The following DENND1A variants were observed in gnomAD, a reference collection of about 807,000 sequenced individuals.
DENND1A encodes DENN domain-containing protein 1A.
Under a neutral mutation model 113.7 loss-of-function variants are expected in DENND1A, and 51 were observed. The observed-to-expected ratio is 0.45, with a 90% CI of 0.36 to 0.57. DENND1A has a LOEUF of 0.57. Ranked by LOEUF, DENND1A falls within the 20% of genes least tolerant of loss-of-function variation. The pLI is 0.00. For missense variants in DENND1A, 1,258 were observed against 1,395.9 expected (o/e 0.90, Z 1.57); for synonymous variants, 565 against 570.8 (o/e 0.99, Z 0.14).
intron 8 of DENND1A, among the ~76,000 whole-genome samples, chr9:123,665,195 T>A (rs564483208): frequency 7.8e-4 from 118 of 152,210 alleles, no homozygotes; most frequent in Non-Finnish European, 1.5e-3. Context: ...AATATTTGAA[T>A]TCTGATTTTA....
At chr9:123,810,549 CA>C (rs1159557273) in intron 2 of DENND1A, among the ~76,000 whole-genome samples, 738 of 46,390 alleles carry the variant, frequency 0.016, 4 homozygotes, top group African/African-American at 0.047. Flanking sequence ...CATGTCTCTA[CA>C]AAAAAAAAAA....
At chr9:123,910,048 T>TA (rs2134009465) in intron 1 of DENND1A, among the ~76,000 whole-genome samples, 1 of 152,278 alleles carries the variant, frequency 6.6e-6, no homozygotes, top group South Asian at 2.1e-4. Context: ...TAAGGAGAGA[T>TA]ATGTCATCTT....
chr9:123,542,763 G>A (rs7027071), intron 13 of DENND1A, among the ~76,000 whole-genome samples: 16,225 of 152,080 alleles, frequency 0.11, 1,205 homozygotes, highest in African/African-American at 0.2. Flanking sequence ...GCACAGACCC[G>A]CAGGGACCAG....
At chr9:123,529,941 T>G (rs2055159874) in intron 13 of DENND1A, among the ~76,000 whole-genome samples, 1 of 152,186 alleles carries the variant, frequency 6.6e-6, no homozygotes, top group African/African-American at 2.4e-5. Flanking sequence ...CAATCTGAAA[T>G]TTTTCTTGTT....
At chr9:123,523,483 C>T (rs1266151208) in intron 13 of DENND1A, among the ~76,000 whole-genome samples, 1 of 152,152 alleles carries the variant, frequency 6.6e-6, no homozygotes, top group Non-Finnish European at 1.5e-5. Flanking sequence ...AATTAAGGAA[C>T]CTGTAGTATT....
chr9:123,818,543 CACACACACACACACACACACACACAT>C (rs1162626861), intron 2 of DENND1A, among the ~76,000 whole-genome samples: 4 of 147,552 alleles, frequency 2.7e-5, no homozygotes, highest in Non-Finnish European at 4.5e-5. Context: ...CACACACACA[CACACACACACACACACACACACACAT>C]ATATATATAT....
intron 1 of DENND1A, among the ~76,000 whole-genome samples, chr9:123,881,196 G>A (rs919288195): frequency 2.6e-5 from 4 of 152,104 alleles, no homozygotes; most frequent in African/African-American, 9.7e-5. Context: ...TAAGTAAACT[G>A]AAGTTTCAAG....
At chr9:123,722,164 G>C (rs1268321002) in intron 5 of DENND1A, among the ~76,000 whole-genome samples, 5 of 152,214 alleles carry the variant, frequency 3.3e-5, no homozygotes, top group African/African-American at 1.2e-4. Flanking sequence ...TTTTAGCAAA[G>C]AGACTGGCAG....
At chr9:123,872,606 A>T (rs1473268463) in intron 2 of DENND1A, among the ~76,000 whole-genome samples, 2 of 152,238 alleles carry the variant, frequency 1.3e-5, no homozygotes. Flanking sequence ...TCTCTTGTTC[A>T]TCATTTTCCA....
chr9:123,774,501 A>G lies in DENND1A; in HGVS notation c.133-4938T>C, dbSNP rs561839274. Among the ~76,000 whole-genome samples the G allele has an allele frequency of 3.9e-5, 6 of 152,314 alleles. No homozygotes were observed. The East Asian group carries it at 7.7e-4, about 20-fold the overall frequency. On this transcript the variant is annotated intron_variant, in intron 3 of 23. Transcript: ENST00000394215. ...GGAAATAAAATTTTTCTCCTTCACT[A>G]TAAGTGTCAAATTAAATCTAAGATC...
intron 13 of DENND1A, among the ~76,000 whole-genome samples, chr9:123,528,772 T>G (rs2055050755): frequency 6.6e-6 from 1 of 152,226 alleles, no homozygotes; most frequent in Non-Finnish European, 1.5e-5. Context: ...TGGTAAGGCA[T>G]TCAAACAATT....
intron 1 of DENND1A, among the ~76,000 whole-genome samples, chr9:123,926,122 C>T (rs1416795623): frequency 6.6e-6 from 1 of 152,220 alleles, no homozygotes; most frequent in Non-Finnish European, 1.5e-5. Context: ...TGAAGATTGT[C>T]AGTTACCACT....
chr9:123,809,759 C>T (rs1836226599), intron 2 of DENND1A, among the ~76,000 whole-genome samples: 1 of 152,152 alleles, frequency 6.6e-6, no homozygotes, highest in East Asian at 1.9e-4. Context: ...CAACCTCCAC[C>T]CCCTGAGTTC....
chr9:123,787,990 T>C (rs1334614978), intron 3 of DENND1A, among the ~76,000 whole-genome samples: 4 of 152,124 alleles, frequency 2.6e-5, no homozygotes, highest in African/African-American at 9.7e-5. Context: ...AATCTACATA[T>C]ACAGGGGTAG....
At chr9:123,690,071 A>AGGGAAGAAGGAAAGGAGGGAGGG (rs2065075124) in intron 5 of DENND1A, among the ~76,000 whole-genome samples, 1 of 101,724 alleles carries the variant, frequency 9.8e-6, no homozygotes, top group Non-Finnish European at 2.0e-5. Flanking sequence ...GGAGGGAGGG[A>AGGGAAGAAGGAAAGGAGGGAGGG]GGGAAGAAGG....
At chr9:123,499,959 C>G (rs2052326383) in intron 13 of DENND1A, among the ~76,000 whole-genome samples, 1 of 152,194 alleles carries the variant, frequency 6.6e-6, no homozygotes, top group South Asian at 2.1e-4. Context: ...AATCGATGAG[C>G]AAGGAAGCAT....
At chr9:123,567,624 A>T (rs958078290) in intron 12 of DENND1A, among the ~76,000 whole-genome samples, 6 of 152,250 alleles carry the variant, frequency 3.9e-5, no homozygotes, top group Admixed American at 2.0e-4. Flanking sequence ...CATGAGCAAA[A>T]GCCACCTTTC....
At chr9:123,918,028 A>G (rs1201912630) in intron 1 of DENND1A, among the ~76,000 whole-genome samples, 2 of 150,286 alleles carry the variant, frequency 1.3e-5, no homozygotes, top group Admixed American at 6.7e-5. Flanking sequence ...GCAGGAGAAT[A>G]GCGTGAGCCC....
intron 2 of DENND1A, among the ~76,000 whole-genome samples, chr9:123,822,643 A>G (rs1469625007): frequency 6.6e-6 from 1 of 152,256 alleles, no homozygotes; most frequent in Non-Finnish European, 1.5e-5. Context: ...ATTTGTTACA[A>G]TGGTGGCTTT....
Sources: allele counts gnomAD v4.1 joint callset (sites outside exome capture counted in the v4.1 genomes callset), GRCh38; gene constraint gnomAD v4.1.1; transcripts MANE v1.5; gene names NCBI Gene and HGNC (gene_info 2026-07-23, HGNC 2026-07-21).